DPF3: variants seen among roughly 807,000 people sequenced by gnomAD.
DPF3 encodes zinc finger protein DPF3.
In DPF3, 18 loss-of-function variants were observed where a neutral mutation model predicts 56.8. The observed-to-expected ratio is 0.32, with a 90% CI of 0.22 to 0.47. The LOEUF (loss-of-function observed/expected upper bound fraction) is 0.47, where lower values mean the gene tolerates loss of function less well. Among genes scored for constraint, DPF3 ranks in the 20% least tolerant of loss-of-function variants. The probability of loss-of-function intolerance (pLI) is 1.00; values close to 1 mark genes in which losing one functional copy is unlikely to be tolerated. For missense variants in DPF3, 403 were observed against 488.8 expected, an observed-to-expected ratio of 0.82 and a Z score of 1.65; for synonymous variants, 188 against 180.2, an observed-to-expected ratio of 1.04 and a Z score of -0.35.
intron 1 of DPF3, among the ~76,000 whole-genome samples, chr14:72,782,149 G>C (rs922027101): frequency 6.6e-6 from 1 of 152,048 alleles, no homozygotes; most frequent in Admixed American, 6.5e-5. Flanking sequence ...CCAGTAAAGG[G>C]AATATCGGTC....
chr14:72,824,388 C>T (rs986770736), intron 1 of DPF3, among the ~76,000 whole-genome samples: 1 of 152,080 alleles, frequency 6.6e-6, no homozygotes, highest in African/African-American at 2.4e-5. Flanking sequence ...TTGCTGTTCA[C>T]CAGTATCTCC....
chr14:72,650,479 A>C (rs903308543), intron 8 of DPF3, among the ~76,000 whole-genome samples: 2 of 152,224 alleles, frequency 1.3e-5, no homozygotes, highest in Admixed American at 6.5e-5. Flanking sequence ...CCCGGGGGCC[A>C]GGAGATCTTG....
intron 8 of DPF3, among the ~76,000 whole-genome samples, chr14:72,651,705 C>T (rs138767524): frequency 5.0e-4 from 76 of 152,306 alleles, no homozygotes; most frequent in African/African-American, 1.8e-3. Flanking sequence ...AATGGGGTAA[C>T]AAGAGGCAAA....
rs1359643801 is a variant in DPF3 at position 72,827,475 on chromosome 14, C to T, written c.33-55582G>A. Among the ~76,000 whole-genome samples, 4 of 148,786 alleles carry T rather than the reference C, an allele frequency of 2.7e-5. No individual in the cohort carries two copies. The South Asian group carries it at 8.6e-4, about 32-fold the overall frequency. On this transcript the variant is annotated intron_variant, in intron 1 of 10. Coordinates refer to ENST00000556509, the MANE Select transcript of DPF3 (RefSeq NM_001280542.3). ...ATACCAACTCCTAGTACTCAACAAC[C>T]ATTCCCTTTACTCTTTTTTTTTTTT...
chr14:72,892,291 A>C, intron 1 of DPF3: 1 of 1,535,474 alleles, frequency 6.5e-7, no homozygotes, highest in South Asian at 1.2e-5. Context: ...AGCGAAAGCA[A>C]CCGGCAGCGA....
intron 2 of DPF3, among the ~76,000 whole-genome samples, chr14:72,768,191 T>C (rs939905518): frequency 2.6e-4 from 40 of 152,194 alleles, no homozygotes; most frequent in African/African-American, 8.9e-4. Context: ...AGAAGGAATC[T>C]TGGAACTTCA....
chr14:72,768,706 G>T (rs1599424485), intron 2 of DPF3, among the ~76,000 whole-genome samples: 1 of 152,128 alleles, frequency 6.6e-6, no homozygotes. Context: ...CCTGATAAGT[G>T]AAAGCAAAAT....
At chr14:72,797,253 A>G (rs1892681646) in intron 1 of DPF3, among the ~76,000 whole-genome samples, 1 of 152,250 alleles carries the variant, frequency 6.6e-6, no homozygotes, top group African/African-American at 2.4e-5. Context: ...CTATTCATCT[A>G]GGACAAGCTG....
chr14:72,771,402 A>C (rs564482581), intron 2 of DPF3, among the ~76,000 whole-genome samples: 1 of 152,220 alleles, frequency 6.6e-6, no homozygotes, highest in East Asian at 1.9e-4. Flanking sequence ...CCGGCTTGTA[A>C]CCAACACCCA....
chr14:72,654,531 G>T (rs1197443736), intron 8 of DPF3, among the ~76,000 whole-genome samples: 1 of 152,090 alleles, frequency 6.6e-6, no homozygotes, highest in African/African-American at 2.4e-5. Context: ...GAAGCCTTTA[G>T]AGCCAGAAAA....
chr14:72,662,223 T>C (rs1886245675), intron 8 of DPF3: 2 of 985,384 alleles, frequency 2.0e-6, no homozygotes, highest in Non-Finnish European at 2.4e-6. Flanking sequence ...AGCACATACA[T>C]GAATGGCTTT....
chr14:72,828,625 G>C, intron 1 of DPF3, among the ~76,000 whole-genome samples: 1 of 151,572 alleles, frequency 6.6e-6, no homozygotes, highest in Non-Finnish European at 1.5e-5. Flanking sequence ...TCTATGCACA[G>C]AGAAGAGTGA....
chr14:72,622,780 G>A (rs1488695836), intron 9 of DPF3, among the ~76,000 whole-genome samples: 1 of 151,980 alleles, frequency 6.6e-6, no homozygotes, highest in African/African-American at 2.4e-5. Context: ...AGCAGAATGG[G>A]AATCCCATTC....
At chr14:72,777,555 T>G (rs552548796) in intron 1 of DPF3, among the ~76,000 whole-genome samples, 6 of 152,318 alleles carry the variant, frequency 3.9e-5, no homozygotes, top group African/African-American at 1.4e-4. Context: ...TGATATCATT[T>G]GATATTTACC....
chr14:72,673,690 C>T (rs1599345364), intron 8 of DPF3, among the ~76,000 whole-genome samples: 1 of 152,180 alleles, frequency 6.6e-6, no homozygotes, highest in African/African-American at 2.4e-5. Flanking sequence ...ATTGATCTAT[C>T]GGGGTCTCTT....
intron 6 of DPF3, among the ~76,000 whole-genome samples, chr14:72,694,998 A>C: frequency 6.6e-6 from 1 of 152,168 alleles, no homozygotes; most frequent in Admixed American, 6.6e-5. Flanking sequence ...TATATTATTT[A>C]TTTGATATAC....
intron 1 of DPF3, among the ~76,000 whole-genome samples, chr14:72,852,375 G>T (rs1291907540): frequency 6.6e-6 from 1 of 152,208 alleles, no homozygotes; most frequent in East Asian, 1.9e-4. Flanking sequence ...GGAGTCTGTG[G>T]GAGGAGGAAA....
At position 72,611,304 on chromosome 14, in the gene DPF3, T is replaced by G. The variant is rs926358936; in HGVS notation, c.*7993A>C. ...GATGAAACAAACGGTTTATTCCTAA[T>G]GCTGTCAACACAAACAACTGAGAGT... is the stretch of plus-strand genomic sequence containing the variant. On this transcript the variant is annotated 3_prime_UTR_variant, in exon 11 of 11. Coordinates refer to ENST00000556509, the MANE Select transcript of DPF3 (RefSeq NM_001280542.3). 6.6e-6 allele frequency among the ~76,000 whole-genome samples: 1 copy of G among 152,246 alleles called. No homozygotes were observed. Among genetic ancestry groups the G allele is most frequent in the Non-Finnish European group, 1.5e-5 (1 of 68,038 alleles).
intron 8 of DPF3, among the ~76,000 whole-genome samples, chr14:72,673,768 C>T (rs1186544069): frequency 6.6e-6 from 1 of 152,114 alleles, no homozygotes; most frequent in African/African-American, 2.4e-5. Context: ...GCCAGGAGCC[C>T]GGGGATCTCT....
Sources: gnomAD v4.1 joint callset for allele counts (sites outside exome capture counted in the v4.1 genomes callset) on GRCh38, gnomAD v4.1.1 for gene constraint, MANE v1.5 for transcripts, NCBI Gene and HGNC (gene_info 2026-07-23, HGNC 2026-07-21) for gene names.